Variants in DLG2 observed in about 807,000 individuals in gnomAD.
The protein encoded by DLG2 is disks large homolog 2.
A neutral mutation model predicts 132.5 loss-of-function variants in DLG2; 45 were observed. The ratio of observed to expected loss-of-function variants is 0.34; its 90% confidence interval spans 0.27 to 0.44. DLG2 has a LOEUF of 0.44. Among genes scored for constraint, DLG2 ranks in the 20% least tolerant of loss-of-function variants. DLG2 has a pLI of 1.00. For synonymous variants in DLG2, 424 were observed against 419.6 expected (o/e 1.01, Z -0.13); for missense variants, 1,045 against 1,196.9 (o/e 0.87, Z 1.87).
intron 11 of DLG2, among the ~76,000 whole-genome samples, chr11:83,998,866 A>G (rs1332570237): frequency 6.6e-6 from 1 of 152,134 alleles, no homozygotes; most frequent in Non-Finnish European, 1.5e-5. Context: ...CCTGGGTCTG[A>G]GCCATAAGGA....
chr11:85,399,547 T>C (rs1277271960), intron 3 of DLG2, among the ~76,000 whole-genome samples: 1 of 152,126 alleles, frequency 6.6e-6, no homozygotes, highest in Non-Finnish European at 1.5e-5. Context: ...AAGGCTACAG[T>C]AACCAAAACA....
intron 11 of DLG2, among the ~76,000 whole-genome samples, chr11:83,994,009 A>G (rs1374421930): frequency 6.6e-6 from 1 of 152,176 alleles, no homozygotes; most frequent in East Asian, 1.9e-4. Context: ...AAACGCCTGT[A>G]TTCAGTAACA....
chr11:84,012,523 A>G (rs1265826738), intron 11 of DLG2, among the ~76,000 whole-genome samples: 2 of 152,134 alleles, frequency 1.3e-5, no homozygotes, highest in Non-Finnish European at 2.9e-5. Context: ...TCTTTGGAAT[A>G]TAGTTGGCAA....
chr11:84,342,630 T>C (rs1249563349), intron 7 of DLG2, among the ~76,000 whole-genome samples: 1 of 152,138 alleles, frequency 6.6e-6, no homozygotes, highest in South Asian at 2.1e-4. Flanking sequence ...TGTGGACATG[T>C]ATATAAAGCA....
intron 17 of DLG2, among the ~76,000 whole-genome samples, chr11:83,797,635 C>T (rs145643901): frequency 5.2e-4 from 79 of 152,248 alleles, no homozygotes; most frequent in African/African-American, 1.6e-3. Context: ...TCTCCTGCCT[C>T]AGCCTCCCGA....
chr11:84,004,939 T>C (rs1261356241), intron 11 of DLG2, among the ~76,000 whole-genome samples: 1 of 56,380 alleles, frequency 1.8e-5, no homozygotes, highest in Non-Finnish European at 3.4e-5. Context: ...CTAAAATTTA[T>C]ATAGAATCAA....
rs34470318 is a variant in DLG2, at chr11:84,770,643, C to CT, written c.358-235913dup. The stretch of plus-strand genomic sequence containing the variant: ...TTGCTGTAAAGGATATGATTTCATT[C>CT]TTTTTTTTTTTTTTTGAGACGGAGT... On this transcript the variant is annotated intron_variant, in intron 6 of 27. Coordinates refer to ENST00000376104, the MANE Select transcript of DLG2 (RefSeq NM_001142699.3). 9.3e-3 allele frequency among the ~76,000 whole-genome samples: 1,308 copies of CT among 140,308 alleles called. 21 individuals are homozygous for CT. The highest frequency in any genetic ancestry group is 0.011 in the African/African-American group (423 of 38,300). The allele number at this position is 140,308 out of a possible 152,430, so 92.0% of individuals were successfully genotyped here.
chr11:84,217,450 C>T (rs1485412932), intron 8 of DLG2, among the ~76,000 whole-genome samples: 2 of 152,176 alleles, frequency 1.3e-5, no homozygotes, highest in Non-Finnish European at 2.9e-5. Flanking sequence ...TGCCCTTCAT[C>T]TTCCACCATG....
chr11:84,140,498 T>A (rs921255624), intron 9 of DLG2, among the ~76,000 whole-genome samples: 1 of 152,118 alleles, frequency 6.6e-6, no homozygotes, highest in Non-Finnish European at 1.5e-5. Flanking sequence ...TACAACACAA[T>A]TGGAACACTG....
intron 7 of DLG2, among the ~76,000 whole-genome samples, chr11:84,273,579 A>C (rs770871891): frequency 7.9e-5 from 12 of 152,198 alleles, no homozygotes; most frequent in Admixed American, 1.3e-4. Context: ...GGGGGAAAGA[A>C]GTAGGAAGAA....
At chr11:84,618,347 C>T (rs145635729) in intron 6 of DLG2, among the ~76,000 whole-genome samples, 7 of 152,168 alleles carry the variant, frequency 4.6e-5, no homozygotes, top group African/African-American at 1.7e-4. Flanking sequence ...GTCATTACAG[C>T]ACACAAGGCC....
At chr11:84,333,881 C>A (rs908652574) in intron 7 of DLG2, among the ~76,000 whole-genome samples, 3 of 152,120 alleles carry the variant, frequency 2.0e-5, no homozygotes, top group African/African-American at 7.2e-5. Context: ...GTCACAAATA[C>A]AATGACACTT....
chr11:84,849,122 A>G (rs139381595), intron 6 of DLG2, among the ~76,000 whole-genome samples: 4 of 152,318 alleles, frequency 2.6e-5, no homozygotes, highest in Non-Finnish European at 5.9e-5. Flanking sequence ...GGAACCTCAT[A>G]GAGATGGAGA....
chr11:84,170,160 T>C (rs2154268614), intron 8 of DLG2, among the ~76,000 whole-genome samples: 1 of 152,210 alleles, frequency 6.6e-6, no homozygotes, highest in South Asian at 2.1e-4. Context: ...CTCCAAAAAT[T>C]GAGTTGTGTT....
intron 6 of DLG2, among the ~76,000 whole-genome samples, chr11:84,958,342 A>G (rs2052010462): frequency 6.6e-6 from 1 of 152,190 alleles, no homozygotes; most frequent in African/African-American, 2.4e-5. Context: ...ATTGGAAAGC[A>G]TTTCTATTGC....
chr11:84,280,783 C>T (rs1005235547), intron 7 of DLG2, among the ~76,000 whole-genome samples: 11 of 151,446 alleles, frequency 7.3e-5, no homozygotes, highest in African/African-American at 1.2e-4. Flanking sequence ...CTGCAAGCTC[C>T]GCCTCCCTGG....
intron 21 of DLG2, among the ~76,000 whole-genome samples, chr11:83,507,563 A>G (rs551411006): frequency 6.9e-6 from 1 of 144,934 alleles, no homozygotes; most frequent in South Asian, 2.1e-4. Flanking sequence ...TATCCTAAGT[A>G]TATATATCCT....
chr11:83,685,047 A>G lies in DLG2; in HGVS notation c.1826-51722T>C, dbSNP rs900848455. ...TTTATTGAGCACTTATTATGGGCTGACAATATACAAAACTTTATGCATATC... is the reference window on the plus strand; with the variant it reads ...TTTATTGAGCACTTATTATGGGCTGGCAATATACAAAACTTTATGCATATC... On this transcript the variant is annotated intron_variant, in intron 18 of 27. Coordinates refer to ENST00000376104, the MANE Select transcript of DLG2 (RefSeq NM_001142699.3). Among the ~76,000 whole-genome samples the G allele has an allele frequency of 2.0e-5, 3 of 152,310 alleles. No homozygotes were observed. The East Asian group carries it at 5.8e-4, about 29-fold the overall frequency.
chr11:83,644,558 T>A (rs2067558094), intron 18 of DLG2, among the ~76,000 whole-genome samples: 1 of 152,060 alleles, frequency 6.6e-6, no homozygotes, highest in Non-Finnish European at 1.5e-5. Flanking sequence ...TGTTCCTATT[T>A]ATCATATTAA....
Sources: allele counts gnomAD v4.1 joint callset (sites outside exome capture counted in the v4.1 genomes callset), GRCh38; gene constraint gnomAD v4.1.1; transcripts MANE v1.5; gene names NCBI Gene and HGNC (gene_info 2026-07-23, HGNC 2026-07-21).